Variants in APAF1 observed in about 807,000 individuals in gnomAD.
The protein encoded by APAF1 is apoptotic peptidase activating factor 1.
A neutral mutation model predicts 152.4 loss-of-function variants in APAF1; 91 were observed. The observed-to-expected ratio is 0.60, with a 90% confidence interval of 0.50 to 0.71. The LOEUF is 0.71. Among genes scored for constraint, APAF1 ranks in the 30% least tolerant of loss-of-function variants. The pLI is 0.00. For missense variants in APAF1, 1,283 were observed against 1,472.0 expected, an observed-to-expected ratio of 0.87 and a Z score of 2.10; for synonymous variants, 484 against 494.1, an observed-to-expected ratio of 0.98 and a Z score of 0.27.
At chr12:98,666,020 C>T (rs2097672212) in intron 8 of APAF1, among the ~76,000 whole-genome samples, 170 bp from the exon 9 acceptor site, 1 of 152,172 alleles carries the variant, frequency 6.6e-6, no homozygotes, top group African/African-American at 2.4e-5. Flanking sequence ...AAGCATCTGA[C>T]TTCTCTTTCT....
At chr12:98,692,607 C>G (rs2097705543) in intron 16 of APAF1, among the ~76,000 whole-genome samples, 1 of 152,076 alleles carries the variant, frequency 6.6e-6, no homozygotes, top group South Asian at 2.1e-4. Context: ...TTTGTGTACC[C>G]AATGTTTAGC....
chr12:98,702,148 C>T (rs925133457), intron 17 of APAF1, among the ~76,000 whole-genome samples: 27 of 152,078 alleles, frequency 1.8e-4, no homozygotes, highest in African/African-American at 6.3e-4. Flanking sequence ...TCACTGCAAG[C>T]TCCGCCTCCT....
At chr12:98,725,717 C>T (rs1009254279) in intron 25 of APAF1, among the ~76,000 whole-genome samples, 177 bp downstream of exon 25, 5 of 152,286 alleles carry the variant, frequency 3.3e-5, no homozygotes, top group African/African-American at 7.2e-5. Context: ...ACTGCAGAAA[C>T]GGATTCATTT....
At chr12:98,726,968 T>C (rs1240540977) in intron 25 of APAF1, among the ~76,000 whole-genome samples, 3 of 152,226 alleles carry the variant, frequency 2.0e-5, no homozygotes, top group African/African-American at 7.2e-5. Flanking sequence ...TATTCTGGTG[T>C]ACCTTTATTT....
chr12:98,698,707 G>A (rs1194867691), intron 16 of APAF1, among the ~76,000 whole-genome samples: 1 of 152,202 alleles, frequency 6.6e-6, no homozygotes, highest in Non-Finnish European at 1.5e-5. Flanking sequence ...GCCAACCTTT[G>A]GTTTGGGCAT....
At chr12:98,649,078 C>A (rs1020993818) in intron 3 of APAF1, 5 of 813,696 alleles carry the variant, frequency 6.1e-6, no homozygotes, top group African/African-American at 1.7e-5. Flanking sequence ...ATTTATAGGC[C>A]CTTGTTTATT....
At chr12:98,673,924 A>G (rs1256363190) in intron 12 of APAF1, among the ~76,000 whole-genome samples, 1 of 152,240 alleles carries the variant, frequency 6.6e-6, no homozygotes, top group Non-Finnish European at 1.5e-5. Context: ...GGAGGGTTCC[A>G]TGAAGGAGAG....
intron 7 of APAF1, among the ~76,000 whole-genome samples, chr12:98,663,098 C>G (rs1387304006): frequency 2.6e-5 from 4 of 152,122 alleles, no homozygotes; most frequent in Admixed American, 2.6e-4. Context: ...GAGTGAGAAT[C>G]AGATTTTAAA....
chr12:98,727,231 G>A lies in APAF1; in HGVS notation c.3515G>A (p.Gly1172Glu). 1 of 1,614,138 alleles carries A rather than the reference G, an allele frequency of 6.2e-7. No individual in the cohort carries two copies. The highest frequency in any genetic ancestry group is 8.5e-7 in the Non-Finnish European group (1 of 1,179,994). The stretch of plus-strand genomic sequence containing the variant: ...TTGTGTGCTCCGCTTTCAGAAGAAG[G>A]AGCTGCTACCCATGGAGGCTGGGTG... ...LHLCAPLSEEGAATHGGWVTD... is the reference protein window; with the variant it reads ...LHLCAPLSEEEAATHGGWVTD... The change falls in exon 26 of 27, where the codon GGA (glycine) becomes GAA (glutamate). Residue 1172 changes from glycine (G) to glutamate (E), a missense_variant. Physicochemically the swap from Gly to Glu is moderately conservative, Grantham distance 98. Coordinates refer to ENST00000551964, the MANE Select transcript of APAF1 (RefSeq NM_181861.2).
At chr12:98,700,786 C>T (rs1311009923) in intron 17 of APAF1, among the ~76,000 whole-genome samples, 1 of 152,134 alleles carries the variant, frequency 6.6e-6, no homozygotes, top group African/African-American at 2.4e-5. Context: ...CCCTCTCTTG[C>T]TAGACCTTTG....
intron 26 of APAF1, among the ~76,000 whole-genome samples, chr12:98,731,582 C>G (rs1157720950): frequency 6.6e-6 from 1 of 152,210 alleles, no homozygotes; most frequent in Non-Finnish European, 1.5e-5. Context: ...AGTGAACATG[C>G]TTACTTGACC....
chr12:98,650,561 A>C (rs1463244091), intron 4 of APAF1, among the ~76,000 whole-genome samples: 1 of 151,854 alleles, frequency 6.6e-6, no homozygotes, highest in Non-Finnish European at 1.5e-5. Context: ...GTTTAGACAG[A>C]ATGATTGGAA....
At chr12:98,731,124 T>A (rs563907822) in intron 26 of APAF1, among the ~76,000 whole-genome samples, 2 of 152,334 alleles carry the variant, frequency 1.3e-5, no homozygotes, top group East Asian at 3.9e-4. Context: ...ATTAGCTTTG[T>A]GACCTTGCAC....
rs2097746511 is a variant in APAF1 at position 98,723,763 on chromosome 12, AG to A, written c.3330+1del. On this transcript the variant is annotated frameshift_variant and splice_region_variant, in exon 24 of 27. Coordinates refer to ENST00000551964, the MANE Select transcript of APAF1 (RefSeq NM_181861.2). LOFTEE classifies it high-confidence loss of function. ...FSSTSADKTA[K>X]IWSFDLLLPL... ...TCTACCTCTGCTGACAAGACTGCAA[AG>A]GTAGGTCAATCAATTGAAACCATGC... 1.2e-6 allele frequency: 2 copies of A among 1,613,746 alleles called. No homozygotes were observed. Among genetic ancestry groups the A allele is most frequent in the African/African-American group, 1.3e-5 (1 of 74,908 alleles).
intron 18 of APAF1, among the ~76,000 whole-genome samples, chr12:98,704,463 C>T (rs1308090075): frequency 6.6e-6 from 1 of 152,212 alleles, no homozygotes; most frequent in African/African-American, 2.4e-5. Flanking sequence ...TCAGTGTTCT[C>T]TGCTTATTTA....
chr12:98,656,154 C>G (rs1262928875), intron 4 of APAF1, among the ~76,000 whole-genome samples: 1 of 152,076 alleles, frequency 6.6e-6, no homozygotes, highest in African/African-American at 2.4e-5. Context: ...TCTCGAAATT[C>G]TGGGCTCAAG....
intron 4 of APAF1, among the ~76,000 whole-genome samples, chr12:98,657,099 C>A (rs2097658742): frequency 6.6e-6 from 1 of 152,176 alleles, no homozygotes; most frequent in Admixed American, 6.5e-5. Context: ...ACAGGCTAGA[C>A]CCTGATCTTT....
chr12:98,727,360 T>G (rs1171805432), intron 26 of APAF1, 44 bp downstream of exon 26: 2 of 1,604,372 alleles, frequency 1.2e-6, no homozygotes, highest in Admixed American at 3.3e-5. Flanking sequence ...ATAGCCTATA[T>G]CATACTTTCC....
chr12:98,647,661 C>T (rs960202186), intron 1 of APAF1, among the ~76,000 whole-genome samples: 2 of 151,270 alleles, frequency 1.3e-5, no homozygotes, highest in South Asian at 2.1e-4. Context: ...TGAGCCACTG[C>T]GCCCGGCCCC....
Sources: gnomAD v4.1 joint callset for allele counts (sites outside exome capture counted in the v4.1 genomes callset) on GRCh38, gnomAD v4.1.1 for gene constraint, MANE v1.5 for transcripts, NCBI Gene and HGNC (gene_info 2026-07-23, HGNC 2026-07-21) for gene names.